Variants in DNAJB6 observed in about 807,000 individuals in gnomAD.
DNAJB6 encodes the protein dnaJ homolog subfamily B member 6.
DNAJB6 carries 16 observed loss-of-function variants against 42.7 expected under a neutral mutation model. The ratio of observed to expected loss-of-function variants is 0.37; its 90% confidence interval spans 0.25 to 0.57. The LOEUF is 0.57. Among genes scored for constraint, DNAJB6 ranks in the 20% least tolerant of loss-of-function variants. The probability of loss-of-function intolerance (pLI) is 0.74; values close to 1 mark genes in which losing one functional copy is unlikely to be tolerated. For synonymous variants in DNAJB6, 170 were observed against 163.5 expected, an observed-to-expected ratio of 1.04 and a Z score of -0.30; for missense variants, 347 against 416.8, an observed-to-expected ratio of 0.83 and a Z score of 1.46.
At position 157,409,844 on chromosome 7, in the gene DNAJB6, G is replaced by C; in HGVS notation, c.741G>C (p.Gln247His). 1.3e-6 allele frequency: 2 copies of C among 1,533,644 alleles called. No individual in the cohort carries two copies. The highest frequency in any genetic ancestry group is 1.2e-5 in the South Asian group (1 of 83,844). ...ALAEERMRRG[Q>H]NALPAQPAGL... is the part of the protein sequence containing the mutation. ...CTGAGGAGCGCATGCGGAGAGGCCAGAACGCCCTGCCAGCCCAGCCTGCCG... is the reference window on the plus strand; with the variant it reads ...CTGAGGAGCGCATGCGGAGAGGCCACAACGCCCTGCCAGCCCAGCCTGCCG... Residue 247 changes from glutamine (Q) to histidine (H), a missense_variant, in exon 9 of 10, where the codon CAG becomes CAC. This residue lies in a region of DNAJB6 where 264 missense variants were observed against 288.0 expected (regional missense o/e 0.92). Transcript: ENST00000262177.
rs1390181328 is a variant in DNAJB6, at chr7:157,410,235, C to T, written c.898+234C>T. ...TAAAACGGGGTCCGCGTGTCCTGTA[C>T]GCAGCGTGTTGCTCCGCAAAGGATG... On this transcript the variant is annotated intron_variant, in intron 9 of 9. Coordinates refer to ENST00000262177, the MANE Select transcript of DNAJB6 (RefSeq NM_058246.4). The T allele has an allele frequency of 7.9e-6, 8 of 1,009,292 alleles. No homozygotes were observed. The East Asian group carries it at 1.5e-4, about 19-fold the overall frequency. The allele number at this position is 1,009,292 out of a possible 1,614,324, so 62.5% of individuals were successfully genotyped here.
intron 5 of DNAJB6, chr7:157,381,996 G>T: frequency 3.1e-6 from 1 of 326,458 alleles, no homozygotes; most frequent in Non-Finnish European, 5.6e-6. Flanking sequence ...TGTATGTGCT[G>T]TTTTTTTAAT....
At chr7:157,352,853 G>A (rs531355187) in intron 1 of DNAJB6, among the ~76,000 whole-genome samples, 52 of 152,042 alleles carry the variant, frequency 3.4e-4, no homozygotes, top group Non-Finnish European at 6.8e-4. Context: ...AAGGAACCAC[G>A]GCTTGTTTAC....
chr7:157,385,002 C>T lies in DNAJB6; in HGVS notation c.614C>T (p.Thr205Ile), dbSNP rs1037296283. The T allele has an allele frequency of 6.2e-7, 1 of 1,613,876 alleles. No individual in the cohort carries two copies. Among genetic ancestry groups the T allele is most frequent in the Admixed American group, 1.7e-5 (1 of 59,988 alleles). The change falls in exon 7 of 10, where the codon ACA becomes ATA. Residue 205 changes from threonine to isoleucine, a missense_variant. By Grantham distance (89) the Thr-to-Ile change is moderately conservative (BLOSUM62 -1). This residue lies in a region of DNAJB6 where 264 missense variants were observed against 288.0 expected (regional missense o/e 0.92). Coordinates refer to ENST00000262177, the MANE Select transcript of DNAJB6 (RefSeq NM_058246.4). ...ATGGTTAATGGCAGAAAAATCACTA[C>T]AAAGAGGTACTGTGGTATTCTGCAT... is the stretch of plus-strand genomic sequence containing the variant. ...TKMVNGRKIT[T>I]KRIVENGQER...
intron 1 of DNAJB6, 94 bp downstream of exon 1, chr7:157,337,238 G>A (rs1375444996): frequency 6.6e-6 from 1 of 152,274 alleles, no homozygotes; most frequent in African/African-American, 2.4e-5. Flanking sequence ...GCAACAGCGC[G>A]GGGGGTGACC....
chr7:157,349,688 A>G (rs1798871069), intron 1 of DNAJB6, among the ~76,000 whole-genome samples: 1 of 152,102 alleles, frequency 6.6e-6, no homozygotes, highest in South Asian at 2.1e-4. Flanking sequence ...TCTGTCATCC[A>G]GGCTGGAGTG....
chr7:157,363,708 A>G (rs1314706815), intron 3 of DNAJB6, among the ~76,000 whole-genome samples: 1 of 152,144 alleles, frequency 6.6e-6, no homozygotes, highest in Non-Finnish European at 1.5e-5. Flanking sequence ...TCCCAAAAAG[A>G]GGGGATGGAA....
chr7:157,411,742 C>T (rs560373108), intron 9 of DNAJB6: 2 of 94,996 alleles, frequency 2.1e-5, no homozygotes, highest in African/African-American at 8.2e-5. Flanking sequence ...ACGGCACCCA[C>T]CGCAGGCCCG....
At chr7:157,401,624 G>A (rs1795521144) in intron 8 of DNAJB6, among the ~76,000 whole-genome samples, 1 of 152,210 alleles carries the variant, frequency 6.6e-6, no homozygotes, top group Non-Finnish European at 1.5e-5. Flanking sequence ...CTGTGTGTGA[G>A]TTTTTGGGGA....
intron 8 of DNAJB6, among the ~76,000 whole-genome samples, chr7:157,403,807 C>T (rs1795632684): frequency 6.6e-6 from 1 of 152,218 alleles, no homozygotes; most frequent in Admixed American, 6.5e-5. Flanking sequence ...TGCCCTGGGG[C>T]TTTAGGGGGA....
chr7:157,379,805 C>CTTTTTTT (rs57417414), intron 5 of DNAJB6: 8 of 121,164 alleles, frequency 6.6e-5, no homozygotes, highest in African/African-American at 2.0e-4. Context: ...GCAGAAATGC[C>CTTTTTTT]TTTTTTTTTT....
chr7:157,384,782 TCTG>T, intron 6 of DNAJB6, 82 bp from the exon 7 acceptor site: 1 of 1,334,366 alleles, frequency 7.5e-7, no homozygotes, highest in Non-Finnish European at 1.1e-6. Context: ...CATTAAATAT[TCTG>T]CTACTGAACT....
At chr7:157,383,173 AT>A (rs1422789788) in intron 6 of DNAJB6, among the ~76,000 whole-genome samples, 1 of 151,970 alleles carries the variant, frequency 6.6e-6, no homozygotes, top group Non-Finnish European at 1.5e-5. Flanking sequence ...GGCCCAGCTA[AT>A]TTTTGTATTT....
intron 1 of DNAJB6, among the ~76,000 whole-genome samples, chr7:157,350,280 C>T (rs1882481): frequency 0.53 from 79,954 of 151,896 alleles, 21,794 homozygotes; most frequent in East Asian, 0.76. Context: ...CAGGGTTTCT[C>T]AGGAGGAACT....
intron 6 of DNAJB6, among the ~76,000 whole-genome samples, chr7:157,383,415 C>T (rs1282909778): frequency 6.6e-6 from 1 of 152,124 alleles, no homozygotes; most frequent in South Asian, 2.1e-4. Context: ...ATTTTATTTT[C>T]TTTGAACATT....
At chr7:157,393,356 T>C (rs995632799) in intron 8 of DNAJB6, among the ~76,000 whole-genome samples, 1 of 152,230 alleles carries the variant, frequency 6.6e-6, no homozygotes, top group African/African-American at 2.4e-5. Context: ...TTTTTACCCT[T>C]ATTTTTCTTA....
intron 1 of DNAJB6, among the ~76,000 whole-genome samples, chr7:157,352,113 C>T (rs540904929): frequency 2.3e-4 from 35 of 151,682 alleles, no homozygotes; most frequent in African/African-American, 7.5e-4. Context: ...GAGCGGATAA[C>T]GAGGTCAGGA....
chr7:157,344,641 G>T (rs890986727), intron 1 of DNAJB6, among the ~76,000 whole-genome samples: 6 of 151,894 alleles, frequency 4.0e-5, no homozygotes, highest in Non-Finnish European at 8.8e-5. Context: ...TTGTGACAGG[G>T]TCTTGCTCCG....
chr7:157,349,737 C>T (rs770611425), intron 1 of DNAJB6, among the ~76,000 whole-genome samples: 2 of 152,160 alleles, frequency 1.3e-5, no homozygotes, highest in South Asian at 2.1e-4. Context: ...CTCCGCCTCC[C>T]GGGTTCAAGC....
Sources: gnomAD v4.1 joint callset for allele counts (sites outside exome capture counted in the v4.1 genomes callset) on GRCh38, gnomAD v4.1.1 for gene constraint, gnomAD v4.1.1 regional missense constraint, MANE v1.5 for transcripts, NCBI Gene and HGNC (gene_info 2026-07-23, HGNC 2026-07-21) for gene names.